Variants in WWOX observed in about 807,000 individuals in gnomAD.
WWOX encodes WW domain-containing oxidoreductase.
In WWOX, 69 loss-of-function variants were observed where a neutral mutation model predicts 46.2. The ratio of observed to expected loss-of-function variants is 1.49; its 90% confidence interval spans 1.23 to 1.82. WWOX has a LOEUF of 1.82. Ranked by LOEUF, WWOX falls within the 40% of genes most tolerant of loss-of-function variation. WWOX has a pLI of 0.00. For synonymous variants in WWOX, 359 were observed against 202.6 expected (o/e 1.77, Z -6.56); for missense variants, 919 against 542.6 (o/e 1.69, Z -6.89).
At position 78,111,006 on chromosome 16, in the gene WWOX, ATT is replaced by A. The variant is rs112868043; in HGVS notation, c.230+1184_230+1185del. 1.5e-3 allele frequency among the ~76,000 whole-genome samples: 216 copies of A among 147,236 alleles called. 1 individual carries two copies. Among genetic ancestry groups the A allele is most frequent in the African/African-American group, 5.1e-3 (208 of 40,402 alleles). ...TTAATAGAAGTTGATTTGAGCAGGA[ATT>A]TTTTTTTTTTTTAAAGTTATGAATG... On this transcript the variant is annotated intron_variant, in intron 3 of 8. Coordinates refer to ENST00000566780, the MANE Select transcript of WWOX (RefSeq NM_016373.4).
intron 8 of WWOX, among the ~76,000 whole-genome samples, chr16:78,858,822 G>C (rs1196140168): frequency 6.6e-6 from 1 of 151,038 alleles, no homozygotes; most frequent in East Asian, 2.0e-4. Context: ...GGGACCACTG[G>C]CATGTGTCAC....
At chr16:79,023,286 G>A (rs951419710) in intron 8 of WWOX, among the ~76,000 whole-genome samples, 34 of 152,336 alleles carry the variant, frequency 2.2e-4, no homozygotes, top group African/African-American at 7.7e-4. Context: ...TGCATTGCAT[G>A]TCTCTGTTGA....
At chr16:78,517,528 G>C (rs902502174) in intron 8 of WWOX, among the ~76,000 whole-genome samples, 1 of 152,120 alleles carries the variant, frequency 6.6e-6, no homozygotes, top group Non-Finnish European at 1.5e-5. Context: ...GAATTATGTG[G>C]GATTCAACAG....
At chr16:78,442,784 A>C (rs1010135174) in intron 8 of WWOX, among the ~76,000 whole-genome samples, 1 of 151,784 alleles carries the variant, frequency 6.6e-6, no homozygotes, top group East Asian at 1.9e-4. Context: ...GTTCGAGACC[A>C]GCCTGGTCAA....
At chr16:78,663,738 G>T (rs537940948) in intron 8 of WWOX, among the ~76,000 whole-genome samples, 1 of 152,256 alleles carries the variant, frequency 6.6e-6, no homozygotes, top group African/African-American at 2.4e-5. Flanking sequence ...TGTGTGATCA[G>T]TGATGGCTTT....
At chr16:78,167,332 C>T (rs953181363) in intron 5 of WWOX, 1 of 152,026 alleles carries the variant, frequency 6.6e-6, no homozygotes, top group African/African-American at 2.4e-5. Context: ...ATGTCAAAGA[C>T]CCACTGTTCA....
chr16:78,853,257 G>C (rs535898236), intron 8 of WWOX, among the ~76,000 whole-genome samples: 2 of 152,090 alleles, frequency 1.3e-5, no homozygotes, highest in East Asian at 3.9e-4. Context: ...GTCTTGATCT[G>C]TCATCCAGGC....
At chr16:78,150,417 C>G (rs894487760) in intron 4 of WWOX, among the ~76,000 whole-genome samples, 2 of 152,160 alleles carry the variant, frequency 1.3e-5, no homozygotes, top group East Asian at 3.9e-4. Flanking sequence ...GTTGCCCAGG[C>G]TGCAGTGCAG....
At chr16:78,178,663 C>T (rs1207913210) in intron 5 of WWOX, among the ~76,000 whole-genome samples, 5 of 152,172 alleles carry the variant, frequency 3.3e-5, no homozygotes, top group South Asian at 2.1e-4. Context: ...GTTAGGAGTT[C>T]GAGACCAGCC....
intron 8 of WWOX, chr16:78,691,364 A>T (rs2047983935): frequency 2.9e-6 from 2 of 688,984 alleles, no homozygotes; most frequent in African/African-American, 1.8e-5. Flanking sequence ...GACAAAGGTG[A>T]CAGAAAGGAA....
intron 8 of WWOX, among the ~76,000 whole-genome samples, chr16:78,507,394 G>A (rs60111001): frequency 0.14 from 21,664 of 152,208 alleles, 1,661 homozygotes; most frequent in Non-Finnish European, 0.17. Flanking sequence ...AAACAATGTT[G>A]CTGAGAAGTG....
At chr16:78,800,998 G>A (rs1225585354) in intron 8 of WWOX, among the ~76,000 whole-genome samples, 1 of 151,460 alleles carries the variant, frequency 6.6e-6, no homozygotes, top group African/African-American at 2.4e-5. Context: ...CCATGTAATA[G>A]TTTATTTATT....
intron 8 of WWOX, among the ~76,000 whole-genome samples, chr16:78,749,463 G>T (rs550564353): frequency 2.4e-4 from 36 of 152,282 alleles, no homozygotes; most frequent in African/African-American, 8.4e-4. Context: ...CTGAGGTTTT[G>T]GGTTCTGGTG....
intron 8 of WWOX, among the ~76,000 whole-genome samples, chr16:79,160,482 G>A (rs925783394): frequency 1.3e-5 from 2 of 152,116 alleles, no homozygotes; most frequent in Non-Finnish European, 2.9e-5. Context: ...ATATCAATAA[G>A]AGCCGATCAT....
At chr16:78,937,251 A>G (rs1362779762) in intron 8 of WWOX, among the ~76,000 whole-genome samples, 5 of 152,136 alleles carry the variant, frequency 3.3e-5, no homozygotes, top group African/African-American at 1.2e-4. Context: ...AATTTACCTG[A>G]AAGTGACCCA....
At chr16:78,770,847 A>C (rs1416597087) in intron 8 of WWOX, among the ~76,000 whole-genome samples, 2 of 152,232 alleles carry the variant, frequency 1.3e-5, no homozygotes, top group Non-Finnish European at 2.9e-5. Context: ...TGGTACTGAG[A>C]CGTCATCTGT....
chr16:78,357,964 C>G (rs1022203071), intron 5 of WWOX, among the ~76,000 whole-genome samples: 1 of 152,182 alleles, frequency 6.6e-6, no homozygotes, highest in Admixed American at 6.5e-5. Context: ...CTCTTTGTCA[C>G]TGATACAACT....
intron 8 of WWOX, among the ~76,000 whole-genome samples, chr16:78,952,850 G>A (rs893370446): frequency 6.6e-6 from 1 of 152,180 alleles, no homozygotes; most frequent in African/African-American, 2.4e-5. Flanking sequence ...GAATAAATCT[G>A]CGCTTTAGAG....
chr16:78,552,692 C>T (rs1411647319), intron 8 of WWOX: 2 of 152,192 alleles, frequency 1.3e-5, no homozygotes, highest in African/African-American at 2.4e-5. Context: ...TCTTTCTCCT[C>T]CTAAGAAAAA....
Sources: allele counts gnomAD v4.1 joint callset (sites outside exome capture counted in the v4.1 genomes callset), GRCh38; gene constraint gnomAD v4.1.1; transcripts MANE v1.5; gene names NCBI Gene and HGNC (gene_info 2026-07-23, HGNC 2026-07-21).